Variants in ELMO1 observed in about 807,000 individuals in gnomAD.
ELMO1 encodes the protein engulfment and cell motility protein 1.
A neutral mutation model predicts 98.9 loss-of-function variants in ELMO1; 26 were observed. That is an observed-to-expected ratio of 0.26 (90% CI 0.19 to 0.36). The LOEUF is 0.36. ELMO1 is among the 10% of genes least tolerant of loss of function. ELMO1 has a pLI of 1.00. For missense variants in ELMO1, 627 were observed against 935.2 expected (o/e 0.67, Z 4.30); for synonymous variants, 346 against 346.0 (o/e 1.00, Z 0.00).
chr7:37,261,753 C>A (rs1400316142), intron 5 of ELMO1, among the ~76,000 whole-genome samples: 2 of 152,208 alleles, frequency 1.3e-5, no homozygotes, highest in Non-Finnish European at 2.9e-5. Flanking sequence ...CAAGTTCTTG[C>A]ACCATGCCTG....
chr7:37,288,926 A>G (rs920950505), intron 4 of ELMO1, among the ~76,000 whole-genome samples: 1 of 152,154 alleles, frequency 6.6e-6, no homozygotes, highest in African/African-American at 2.4e-5. Flanking sequence ...AACACCTACC[A>G]CACTCTGCCC....
intron 13 of ELMO1, among the ~76,000 whole-genome samples, chr7:37,164,568 T>C (rs1216710462): frequency 1.3e-5 from 2 of 152,230 alleles, no homozygotes; most frequent in Non-Finnish European, 2.9e-5. Context: ...CTAGCCAGTT[T>C]TCCCAGCACC....
At chr7:37,214,779 T>C (rs1428619716) in intron 11 of ELMO1, among the ~76,000 whole-genome samples, 2 of 152,190 alleles carry the variant, frequency 1.3e-5, no homozygotes, top group Non-Finnish European at 2.9e-5. Context: ...TCTCTTTTCT[T>C]AGCAACTCGA....
At chr7:36,984,258 T>C (rs1021857062) in intron 16 of ELMO1, among the ~76,000 whole-genome samples, 4 of 152,224 alleles carry the variant, frequency 2.6e-5, no homozygotes, top group Admixed American at 1.3e-4. Context: ...ATTCTCAATG[T>C]ATCCAGCCAT....
chr7:37,157,166 C>A (rs1408981253), intron 13 of ELMO1, among the ~76,000 whole-genome samples: 1 of 152,130 alleles, frequency 6.6e-6, no homozygotes, highest in Non-Finnish European at 1.5e-5. Flanking sequence ...GAATGTATCT[C>A]AAAATAATAA....
intron 1 of ELMO1, among the ~76,000 whole-genome samples, chr7:37,363,579 A>G (rs1357929743): frequency 2.6e-5 from 4 of 152,050 alleles, no homozygotes; most frequent in African/African-American, 9.7e-5. Context: ...CAAACATGCC[A>G]AGCTCCTACG....
At chr7:37,442,258 G>T (rs1387386373) in intron 1 of ELMO1, among the ~76,000 whole-genome samples, 3 of 152,162 alleles carry the variant, frequency 2.0e-5, no homozygotes, top group African/African-American at 7.2e-5. Context: ...TCAGTAAAAT[G>T]GCCAACAGCC....
chr7:36,953,618 T>C (rs1196649917), intron 16 of ELMO1, among the ~76,000 whole-genome samples: 1 of 152,240 alleles, frequency 6.6e-6, no homozygotes, highest in Admixed American at 6.5e-5. Flanking sequence ...ACTTTTTATA[T>C]GTAAATAATG....
At chr7:36,924,396 A>G (rs1785372940) in intron 16 of ELMO1, among the ~76,000 whole-genome samples, 1 of 152,180 alleles carries the variant, frequency 6.6e-6, no homozygotes, top group African/African-American at 2.4e-5. Flanking sequence ...CTGGCAGAGC[A>G]TATCACCTTG....
Position 37,366,668 on chromosome 7 carries a change from C to T in ELMO1, c.-73-23905G>A, listed in dbSNP as rs1479002152. Among the ~76,000 whole-genome samples the T allele has an allele frequency of 3.3e-5, 5 of 152,332 alleles. No individual in the cohort carries two copies. In the East Asian group the frequency reaches 9.7e-4, roughly 29 times the overall value. ...ATGAGCCTCTACCACAAAGGAAACT[C>T]AATGCTGGCTTATTCCTCTGTAATC... is the stretch of plus-strand genomic sequence containing the variant. On this transcript the variant is annotated intron_variant, in intron 1 of 21. Coordinates refer to ENST00000310758, the MANE Select transcript of ELMO1 (RefSeq NM_014800.11).
intron 1 of ELMO1, among the ~76,000 whole-genome samples, chr7:37,432,187 A>G (rs1291528096): frequency 6.6e-6 from 1 of 152,154 alleles, no homozygotes; most frequent in Non-Finnish European, 1.5e-5. Context: ...GGCCTGATCT[A>G]TGAAGTTTTA....
chr7:37,054,841 T>G (rs1796311008), intron 15 of ELMO1, among the ~76,000 whole-genome samples: 1 of 152,314 alleles, frequency 6.6e-6, no homozygotes, highest in South Asian at 2.1e-4. Flanking sequence ...TCTCCCAACT[T>G]CATTGAAAAC....
At chr7:37,077,554 G>A (rs1393032650) in intron 15 of ELMO1, among the ~76,000 whole-genome samples, 1 of 152,222 alleles carries the variant, frequency 6.6e-6, no homozygotes. Context: ...CGGATTGGAG[G>A]AGGCAAGTAT....
At chr7:36,980,628 T>C (rs1044747344) in intron 16 of ELMO1, among the ~76,000 whole-genome samples, 2 of 152,240 alleles carry the variant, frequency 1.3e-5, no homozygotes, top group Non-Finnish European at 2.9e-5. Flanking sequence ...TAGAATATCA[T>C]AGATTGCTTG....
chr7:37,030,906 C>T (rs1381397846), intron 15 of ELMO1, among the ~76,000 whole-genome samples: 5 of 152,130 alleles, frequency 3.3e-5, no homozygotes, highest in South Asian at 2.1e-4. Context: ...TTATTGGACA[C>T]GCCCATCTTA....
intron 15 of ELMO1, among the ~76,000 whole-genome samples, chr7:37,078,357 T>C (rs904541833): frequency 6.6e-6 from 1 of 152,174 alleles, no homozygotes; most frequent in Non-Finnish European, 1.5e-5. Context: ...TACCTATAAA[T>C]CTCTATCATA....
chr7:37,053,602 T>A lies in ELMO1; in HGVS notation c.1301-40167A>T, dbSNP rs80207310. On this transcript the variant is annotated intron_variant, in intron 15 of 21. Coordinates refer to ENST00000310758, the MANE Select transcript of ELMO1 (RefSeq NM_014800.11). ...GAATGATTCCTAATATTCCAGATAT[T>A]ATCTGAGGCAAGTATATTTATCACG... 4.0e-3 allele frequency among the ~76,000 whole-genome samples: 610 copies of A among 152,288 alleles called. 6 individuals carry two copies. Among genetic ancestry groups the A allele is most frequent in the African/African-American group, 0.014 (579 of 41,544 alleles).
intron 20 of ELMO1, among the ~76,000 whole-genome samples, chr7:36,867,304 T>C (rs910878190): frequency 6.6e-6 from 1 of 152,202 alleles, no homozygotes; most frequent in Non-Finnish European, 1.5e-5. Context: ...TTTTACTTTT[T>C]TAGTCTCCTT....
At chr7:37,436,730 CAG>C (rs900203217) in intron 1 of ELMO1, among the ~76,000 whole-genome samples, 3 of 152,154 alleles carry the variant, frequency 2.0e-5, no homozygotes, top group Non-Finnish European at 2.9e-5. Flanking sequence ...CGGCCACATC[CAG>C]AGAGAGCGAT....
Sources: gnomAD v4.1 joint callset for allele counts (sites outside exome capture counted in the v4.1 genomes callset) on GRCh38, gnomAD v4.1.1 for gene constraint, MANE v1.5 for transcripts, NCBI Gene and HGNC (gene_info 2026-07-23, HGNC 2026-07-21) for gene names.